Variants in GTF2H1 observed in about 807,000 individuals in gnomAD.
GTF2H1 encodes BTF2 p62.
In GTF2H1, 16 loss-of-function variants were observed where a neutral mutation model predicts 71.2. The ratio of observed to expected loss-of-function variants is 0.22; its 90% CI spans 0.15 to 0.34. GTF2H1 has a LOEUF of 0.34. GTF2H1 is among the 10% of genes least tolerant of loss of function. The pLI, the probability that GTF2H1 is intolerant of heterozygous loss-of-function variation, is 1.00. For synonymous variants in GTF2H1, 215 were observed against 219.0 expected (o/e 0.98, Z 0.16); for missense variants, 498 against 648.2 (o/e 0.77, Z 2.52).
At chr11:18,342,637 CTA>C (rs1865187194) in intron 7 of GTF2H1, among the ~76,000 whole-genome samples, 1 of 152,150 alleles carries the variant, frequency 6.6e-6, no homozygotes, top group Non-Finnish European at 1.5e-5. Flanking sequence ...GAAGAAGAAT[CTA>C]TACAAACATG....
chr11:18,354,803 C>G (rs1565017282), intron 11 of GTF2H1, among the ~76,000 whole-genome samples: 2 of 151,424 alleles, frequency 1.3e-5, no homozygotes, highest in African/African-American at 4.9e-5. Context: ...TTCTTTGTTT[C>G]TTTTTGTTTT....
intron 3 of GTF2H1, among the ~76,000 whole-genome samples, chr11:18,336,231 A>G (rs907520078): frequency 6.6e-6 from 1 of 151,786 alleles, no homozygotes; most frequent in East Asian, 1.9e-4. Context: ...GGTTCAAGCA[A>G]TTCTCCTGTC....
At chr11:18,358,691 G>A (rs1380591027) in intron 13 of GTF2H1, 51 bp downstream of exon 13, 1 of 1,145,782 alleles carries the variant, frequency 8.7e-7, no homozygotes, top group Non-Finnish European at 1.3e-6. Flanking sequence ...TGACTTACAA[G>A]AAGTTTTGAA....
Position 18,339,668 on chromosome 11 carries a change from T to G in GTF2H1, c.607+11T>G, listed in dbSNP as rs748508781. 7.1e-7 allele frequency: 1 copy of G among 1,406,982 alleles called. No individual in the cohort carries two copies. Among genetic ancestry groups the G allele is most frequent in the Non-Finnish European group, 1.0e-6 (1 of 993,628 alleles). The allele number at this position is 1,406,982 out of a possible 1,614,324, so 87.2% of individuals were successfully genotyped here. ...GGACCTATCCAGCAGGTAAGAAGAA[T>G]CAGTTCTTTCAGATGGTTAAAATAT... On this transcript the variant is annotated intron_variant, in intron 5 of 14. Transcript: ENST00000265963.
chr11:18,362,338 G>C lies in GTF2H1; in HGVS notation c.1560+1631G>C, dbSNP rs577715376. ...ACTGCAGGACTAGAAGTTGCTCTGG[G>C]TGACTCAGTGAGTGAATGTGAAGGC... On this transcript the variant is annotated intron_variant, in intron 14 of 14. Transcript: ENST00000265963. 9.9e-5 allele frequency among the ~76,000 whole-genome samples: 15 copies of C among 152,280 alleles called. No individual in the cohort carries two copies. In the East Asian group the frequency reaches 2.9e-3, roughly 29 times the overall value.
At chr11:18,355,046 G>A (rs1300563855) in intron 11 of GTF2H1, among the ~76,000 whole-genome samples, 2 of 151,946 alleles carry the variant, frequency 1.3e-5, no homozygotes, top group African/African-American at 4.8e-5. Context: ...CTGAGCTCAA[G>A]CAATCCACTC....
chr11:18,358,748 ACT>A (rs1241126574), intron 13 of GTF2H1, 108 bp downstream of exon 13: 6 of 699,540 alleles, frequency 8.6e-6, no homozygotes, highest in Non-Finnish European at 1.5e-5. Context: ...CACTGGGATA[ACT>A]CTTTTGCATA....
At chr11:18,360,073 CTAAA>C (rs1244711567) in intron 13 of GTF2H1, among the ~76,000 whole-genome samples, 1 of 151,910 alleles carries the variant, frequency 6.6e-6, no homozygotes, top group Non-Finnish European at 1.5e-5. Flanking sequence ...GACCCTGTCT[CTAAA>C]TGAATGAATA....
intron 5 of GTF2H1, 124 bp from the exon 6 acceptor site, chr11:18,341,137 C>T (rs1429513582): frequency 3.0e-6 from 2 of 670,286 alleles, no homozygotes; most frequent in Non-Finnish European, 5.1e-6. Context: ...TAGATTATAA[C>T]TTATAGTATG....
intron 3 of GTF2H1, 94 bp downstream of exon 3, chr11:18,336,040 C>CGGTTTT (rs1045708353): frequency 1.1e-6 from 1 of 883,494 alleles, no homozygotes; most frequent in African/African-American, 1.7e-5. Flanking sequence ...CACGTTTTTT[C>CGGTTTT]GGTTTTGGTT....
chr11:18,352,306 A>T (rs2133981103), intron 10 of GTF2H1, 23 bp from the exon 11 acceptor site: 1 of 1,030,008 alleles, frequency 9.7e-7, no homozygotes, highest in East Asian at 2.4e-5. Flanking sequence ...GTGATTAGTA[A>T]TTTCTTCTGT....
At chr11:18,354,463 G>C (rs1865496668) in intron 11 of GTF2H1, among the ~76,000 whole-genome samples, 1 of 152,066 alleles carries the variant, frequency 6.6e-6, no homozygotes. Context: ...ACAGGGTCTT[G>C]CTCTGATGCC....
At position 18,333,236 on chromosome 11, in the gene GTF2H1, A is replaced by G. The variant is rs1864942315; in HGVS notation, c.154+8A>G. ...TGTATGCAGATATTAAATGTAAGTC[A>G]GCTATACTAAGTTCTGATGTATTTG... On this transcript the variant is annotated splice_region_variant and intron_variant, in intron 2 of 14. Coordinates refer to ENST00000265963, the MANE Select transcript of GTF2H1 (RefSeq NM_005316.4). 15 of 1,597,172 alleles carry G rather than the reference A, an allele frequency of 9.4e-6. No homozygotes were observed. Among genetic ancestry groups the G allele is most frequent in the Non-Finnish European group, 1.2e-5 (14 of 1,167,268 alleles).
intron 2 of GTF2H1, among the ~76,000 whole-genome samples, chr11:18,334,105 C>T (rs568348457): frequency 6.6e-4 from 100 of 152,196 alleles, no homozygotes; most frequent in African/African-American, 2.3e-3. Context: ...AAGGGCCGGG[C>T]GCGGTGGCTC....
rs115503886 is a variant in GTF2H1, at chr11:18,356,039, C to A, written c.1261-1913C>A. On this transcript the variant is annotated intron_variant, in intron 11 of 14. Coordinates refer to ENST00000265963, the MANE Select transcript of GTF2H1 (RefSeq NM_005316.4). ...GTTCCAGGCTTATCTTACATCTGCC[C>A]TGTCCCAGGCGTGGAATTTTCTTTT... Among the ~76,000 whole-genome samples the A allele has an allele frequency of 5.0e-4, 76 of 152,172 alleles. 1 individual carries two copies. The highest frequency in any genetic ancestry group is 1.8e-3 in the African/African-American group (74 of 41,522).
Position 18,337,846 on chromosome 11 carries a change from A to AAGATCAAACCCATG in GTF2H1, c.348-262_348-249dup, listed in dbSNP as rs1409430523. The stretch of plus-strand genomic sequence containing the variant: ...GAATCACTGGGATACGGAGATGAAT[A>AAGATCAAACCCATG]AGATCAAACCCATGTCCTCAAAGGG... On this transcript the variant is annotated intron_variant, in intron 3 of 14. Coordinates refer to ENST00000265963, the MANE Select transcript of GTF2H1 (RefSeq NM_005316.4). Among the ~76,000 whole-genome samples, 7 of 152,322 alleles carry AAGATCAAACCCATG rather than the reference A, an allele frequency of 4.6e-5. No individual in the cohort carries two copies. The East Asian group carries it at 1.4e-3, about 29-fold the overall frequency.
intron 5 of GTF2H1, among the ~76,000 whole-genome samples, chr11:18,339,912 AC>A (rs1274469831): frequency 6.6e-6 from 1 of 152,148 alleles, no homozygotes; most frequent in African/African-American, 2.4e-5. Context: ...ATCCAGAGTG[AC>A]CTTCCTAACC....
intron 7 of GTF2H1, among the ~76,000 whole-genome samples, chr11:18,343,490 A>C (rs1292658996): frequency 6.6e-6 from 1 of 152,086 alleles, no homozygotes; most frequent in East Asian, 1.9e-4. Context: ...TCTTCTGGTT[A>C]TAGTAACTAT....
chr11:18,326,413 T>A (rs1365385094), intron 1 of GTF2H1, among the ~76,000 whole-genome samples: 1 of 151,980 alleles, frequency 6.6e-6, no homozygotes, highest in Non-Finnish European at 1.5e-5. Flanking sequence ...TCCCACCTAT[T>A]TGGGAGGCTG....
Sources: gnomAD v4.1 joint callset for allele counts (sites outside exome capture counted in the v4.1 genomes callset) on GRCh38, gnomAD v4.1.1 for gene constraint, MANE v1.5 for transcripts, NCBI Gene and HGNC (gene_info 2026-07-23, HGNC 2026-07-21) for gene names.